SLC4A10: variants seen among roughly 807,000 people sequenced by gnomAD.
The protein encoded by SLC4A10 is solute carrier family 4 member 10, also known as sodium-driven chloride bicarbonate exchanger.
A neutral mutation model predicts 137.7 loss-of-function variants in SLC4A10; 42 were observed. That is an observed-to-expected ratio of 0.30 (90% CI 0.24 to 0.39). The LOEUF is 0.39. Ranked by LOEUF, SLC4A10 falls within the 10% of genes least tolerant of loss-of-function variation. The pLI, the probability that SLC4A10 is intolerant of heterozygous loss-of-function variation, is 1.00. For missense variants in SLC4A10, 925 were observed against 1,355.0 expected (o/e 0.68, Z 4.98); for synonymous variants, 474 against 464.1 (o/e 1.02, Z -0.27).
intron 1 of SLC4A10, among the ~76,000 whole-genome samples, chr2:161,645,742 A>G (rs2035942862): frequency 6.6e-6 from 1 of 152,074 alleles, no homozygotes; most frequent in Admixed American, 6.5e-5. Flanking sequence ...TGAACATTCA[A>G]ATTGAAAACA....
rs535140787 is a variant in SLC4A10, at chr2:161,637,400, C to T, written c.48+12834C>T. On this transcript the variant is annotated intron_variant, in intron 1 of 26. Transcript: ENST00000446997. ...ATTTTTAGTAGAGACAGGTTTTTAC[C>T]GTGTTTACCAGGCTGGTCTCGAACT... 1.4e-3 allele frequency among the ~76,000 whole-genome samples: 217 copies of T among 151,966 alleles called. 1 individual carries two copies. The highest frequency in any genetic ancestry group is 1.9e-3 in the Non-Finnish European group (132 of 67,940).
intron 1 of SLC4A10, among the ~76,000 whole-genome samples, chr2:161,678,871 G>A (rs2040548101): frequency 1.3e-5 from 2 of 151,994 alleles, no homozygotes; most frequent in Non-Finnish European, 2.9e-5. Context: ...TACTATCGAA[G>A]GACATTGGAT....
chr2:161,778,217 G>A (rs1363161105), intron 2 of SLC4A10, among the ~76,000 whole-genome samples: 1 of 151,794 alleles, frequency 6.6e-6, no homozygotes, highest in Non-Finnish European at 1.5e-5. Flanking sequence ...TCATTTGCTA[G>A]TGTTTTCCTC....
At chr2:161,944,681 A>G (rs1329039613) in intron 16 of SLC4A10, among the ~76,000 whole-genome samples, 1 of 151,710 alleles carries the variant, frequency 6.6e-6, no homozygotes, top group African/African-American at 2.4e-5. Flanking sequence ...ATTAGTTAAA[A>G]GCAGTTTTTG....
chr2:161,795,106 C>A (rs1390856224), intron 2 of SLC4A10, among the ~76,000 whole-genome samples: 1 of 151,962 alleles, frequency 6.6e-6, no homozygotes, highest in Non-Finnish European at 1.5e-5. Context: ...TGTCCCTGGG[C>A]CCTCTGTGTT....
intron 1 of SLC4A10, among the ~76,000 whole-genome samples, chr2:161,639,400 C>T (rs1048037745): frequency 6.6e-6 from 1 of 151,996 alleles, no homozygotes; most frequent in Admixed American, 6.6e-5. Flanking sequence ...AAACTGAACC[C>T]AGCACATCAG....
intron 1 of SLC4A10, among the ~76,000 whole-genome samples, chr2:161,712,416 TA>T (rs201057962): frequency 0.057 from 8,646 of 151,290 alleles, 296 homozygotes; most frequent in South Asian, 0.074. Flanking sequence ...TTTAAAGGCT[TA>T]AAAAAAATAA....
intron 16 of SLC4A10, among the ~76,000 whole-genome samples, chr2:161,945,534 C>T (rs1054812009): frequency 1.3e-5 from 2 of 151,084 alleles, no homozygotes; most frequent in African/African-American, 4.9e-5. Flanking sequence ...ACTCAAAAAA[C>T]GAGAGCAGGA....
At chr2:161,820,332 A>C (rs958036680) in intron 3 of SLC4A10, among the ~76,000 whole-genome samples, 1 of 152,242 alleles carries the variant, frequency 6.6e-6, no homozygotes, top group African/African-American at 2.4e-5. Context: ...TGTAAAGTAT[A>C]AGACAAGCAT....
intron 1 of SLC4A10, among the ~76,000 whole-genome samples, chr2:161,673,115 T>TAAC (rs2039914709): frequency 6.6e-6 from 1 of 152,210 alleles, no homozygotes; most frequent in South Asian, 2.1e-4. Context: ...AATGCCCAGC[T>TAAC]AACACTCTTG....
intron 10 of SLC4A10, among the ~76,000 whole-genome samples, chr2:161,882,925 A>G (rs544645255): frequency 6.6e-6 from 1 of 152,294 alleles, no homozygotes; most frequent in African/African-American, 2.4e-5. Context: ...GAAGCTGTAG[A>G]TAGATTTCAA....
chr2:161,694,468 T>C (rs529324272), intron 1 of SLC4A10, among the ~76,000 whole-genome samples: 22 of 79,934 alleles, frequency 2.8e-4, no homozygotes, highest in African/African-American at 8.0e-4. Context: ...CTACAGCAGA[T>C]TGTTAAAAAA....
At chr2:161,699,188 TTTTGTA>T (rs1192357844) in intron 1 of SLC4A10, among the ~76,000 whole-genome samples, 1 of 151,970 alleles carries the variant, frequency 6.6e-6, no homozygotes, top group Non-Finnish European at 1.5e-5. Context: ...CTGGCTAATT[TTTTGTA>T]TTTTTTTAGT....
At chr2:161,701,192 A>C (rs2125004355) in intron 1 of SLC4A10, among the ~76,000 whole-genome samples, 1 of 152,142 alleles carries the variant, frequency 6.6e-6, no homozygotes, top group Non-Finnish European at 1.5e-5. Context: ...CTGTTTTTCT[A>C]AGCACAGACA....
intron 1 of SLC4A10, among the ~76,000 whole-genome samples, chr2:161,750,247 T>C (rs985578816): frequency 2.6e-5 from 4 of 151,260 alleles, no homozygotes; most frequent in East Asian, 1.9e-4. Context: ...TCTATTGATA[T>C]ATTGTTTGTC....
intron 4 of SLC4A10, among the ~76,000 whole-genome samples, chr2:161,851,030 T>A (rs2059800915): frequency 6.6e-6 from 1 of 152,194 alleles, no homozygotes; most frequent in Non-Finnish European, 1.5e-5. Flanking sequence ...TGAGAGATCT[T>A]CTTGATATTG....
At chr2:161,881,843 C>T (rs910455513) in intron 9 of SLC4A10, among the ~76,000 whole-genome samples, 2 of 151,982 alleles carry the variant, frequency 1.3e-5, no homozygotes, top group South Asian at 2.1e-4. Context: ...TTTTCTTCTA[C>T]GTGGCTGATC....
chr2:161,677,209 C>T (rs2040365817), intron 1 of SLC4A10, among the ~76,000 whole-genome samples: 2 of 152,118 alleles, frequency 1.3e-5, no homozygotes, highest in Admixed American at 6.6e-5. Flanking sequence ...CTCTCAGTCC[C>T]TCCCTCACTA....
chr2:161,898,881 G>T lies in SLC4A10; in HGVS notation c.1342-2030G>T, dbSNP rs189230074. The stretch of plus-strand genomic sequence containing the variant: ...ATACCTCAAGTGAGCCCTTTGTGTT[G>T]CAGGTTCATCATACTACACTTTCCT... On this transcript the variant is annotated intron_variant, in intron 11 of 26. Transcript: ENST00000446997. Among the ~76,000 whole-genome samples the T allele has an allele frequency of 3.6e-3, 541 of 152,180 alleles. 3 individuals carry two copies. Among genetic ancestry groups the T allele is most frequent in the African/African-American group, 0.011 (470 of 41,542 alleles).
Sources: allele counts gnomAD v4.1 joint callset (sites outside exome capture counted in the v4.1 genomes callset), GRCh38; gene constraint gnomAD v4.1.1; transcripts MANE v1.5; gene names NCBI Gene and HGNC (gene_info 2026-07-23, HGNC 2026-07-21).